The following SUCLG2 variants were observed in gnomAD, a reference collection of about 807,000 sequenced individuals.
The protein encoded by SUCLG2 is succinate--CoA ligase [GDP-forming] subunit beta, mitochondrial.
In SUCLG2, 42 loss-of-function variants were observed where a neutral mutation model predicts 47.9. The observed-to-expected ratio is 0.88, with a 90% CI of 0.69 to 1.14. SUCLG2 has a LOEUF of 1.14. Among genes scored for constraint, SUCLG2 ranks in the 50% most tolerant of loss-of-function variants. SUCLG2 has a pLI of 0.00. For synonymous variants in SUCLG2, 195 were observed against 197.3 expected, an observed-to-expected ratio of 0.99 and a Z score of 0.10; for missense variants, 571 against 525.9, an observed-to-expected ratio of 1.09 and a Z score of -0.84.
intron 1 of SUCLG2, among the ~76,000 whole-genome samples, chr3:67,611,838 G>A (rs1002681886): frequency 1.3e-5 from 2 of 152,104 alleles, no homozygotes; most frequent in Non-Finnish European, 2.9e-5. Flanking sequence ...AACATATATT[G>A]ACTGTTTCCA....
intron 9 of SUCLG2, among the ~76,000 whole-genome samples, chr3:67,406,224 T>C (rs75954896): frequency 0.015 from 2,269 of 152,262 alleles, 57 homozygotes; most frequent in African/African-American, 0.051. Context: ...GTCCCCTTAA[T>C]GAAATAAAAA....
chr3:67,431,606 G>A (rs1049142338), intron 9 of SUCLG2, among the ~76,000 whole-genome samples: 2 of 152,110 alleles, frequency 1.3e-5, no homozygotes, highest in African/African-American at 4.8e-5. Context: ...GATGAAGCTG[G>A]AAACCATCAT....
intron 9 of SUCLG2, among the ~76,000 whole-genome samples, chr3:67,413,872 C>T (rs1304919688): frequency 2.0e-5 from 3 of 152,178 alleles, no homozygotes; most frequent in Admixed American, 6.5e-5. Flanking sequence ...TGTTTGCAGA[C>T]GCCTACCTCA....
At chr3:67,404,518 A>C (rs1226755126) in intron 9 of SUCLG2, among the ~76,000 whole-genome samples, 1 of 152,166 alleles carries the variant, frequency 6.6e-6, no homozygotes, top group East Asian at 1.9e-4. Context: ...GAAGAGCAAC[A>C]GGACATAGAA....
chr3:67,646,420 C>G (rs763937860), intron 1 of SUCLG2, among the ~76,000 whole-genome samples: 40 of 152,116 alleles, frequency 2.6e-4, no homozygotes, highest in Non-Finnish European at 5.6e-4. Flanking sequence ...CATGGTGAAA[C>G]TCCATCTCTA....
chr3:67,558,091 C>T (rs531213085), intron 2 of SUCLG2, among the ~76,000 whole-genome samples: 1 of 152,192 alleles, frequency 6.6e-6, no homozygotes, highest in South Asian at 2.1e-4. Flanking sequence ...CTGTTTATTC[C>T]GGCTTGTCTC....
At chr3:67,389,319 A>G (rs1702327731) in intron 10 of SUCLG2, among the ~76,000 whole-genome samples, 1 of 152,134 alleles carries the variant, frequency 6.6e-6, no homozygotes, top group African/African-American at 2.4e-5. Flanking sequence ...TGAAGCTGCA[A>G]CACTGGAGAG....
intron 8 of SUCLG2, among the ~76,000 whole-genome samples, chr3:67,497,721 G>A (rs1206228847): frequency 1.3e-5 from 2 of 152,184 alleles, no homozygotes; most frequent in Non-Finnish European, 2.9e-5. Context: ...TAACTGAGAT[G>A]TTTTAAGTCA....
chr3:67,654,576 G>T lies in SUCLG2; in HGVS notation c.11C>A (p.Pro4His). The T allele has an allele frequency of 1.6e-6, 2 of 1,275,012 alleles. No individual in the cohort carries two copies. The highest frequency in any genetic ancestry group is 3.7e-5 in the South Asian group (1 of 27,292). The allele number at this position is 1,275,012 out of a possible 1,614,324, so 79.0% of individuals were successfully genotyped here. MAS[P>H]VAAQAGKLLR... ...AAGCTTCCCGGCCTGCGCTGCTACGGGGGACGCCATCTTAAACAGGAAACT... is the reference window on the plus strand; with the variant it reads ...AAGCTTCCCGGCCTGCGCTGCTACGTGGGACGCCATCTTAAACAGGAAACT... The change falls in exon 1 of 11, where the codon CCC (proline) becomes CAC (histidine). Residue 4 changes from proline to histidine, a missense_variant. Transcript: ENST00000307227.
intron 6 of SUCLG2, among the ~76,000 whole-genome samples, chr3:67,510,056 C>A (rs1705746153): frequency 6.6e-6 from 1 of 152,170 alleles, no homozygotes; most frequent in Non-Finnish European, 1.5e-5. Context: ...CTGGAGAAGC[C>A]CACCAGGGCT....
intron 9 of SUCLG2, among the ~76,000 whole-genome samples, chr3:67,423,197 C>G (rs1703213931): frequency 6.6e-6 from 1 of 152,108 alleles, no homozygotes; most frequent in Non-Finnish European, 1.5e-5. Flanking sequence ...CTGAGTGAGT[C>G]TCACGAGATC....
chr3:67,374,116 A>AT (rs1004046478), downstream of SUCLG2, among the ~76,000 whole-genome samples: 12 of 152,010 alleles, frequency 7.9e-5, no homozygotes, highest in African/African-American at 1.9e-4. Context: ...AATATAGGTT[A>AT]TTTTTTTTAC....
intron 9 of SUCLG2, among the ~76,000 whole-genome samples, chr3:67,409,923 T>C (rs1263899296): frequency 6.6e-6 from 1 of 152,202 alleles, no homozygotes; most frequent in Non-Finnish European, 1.5e-5. Context: ...AAGGATCTGT[T>C]TCCTTAAATC....
At chr3:67,360,823 GAAC>G (rs1284112156) in intron 10 of SUCLG2, 2 of 1,365,538 alleles carry the variant, frequency 1.5e-6, no homozygotes, top group Middle Eastern at 2.1e-4. Context: ...ATATTTAGAT[GAAC>G]AACAACAGTA....
Position 67,529,133 on chromosome 3 carries a change from C to A in SUCLG2, c.280G>T (p.Gly94Cys), listed in dbSNP as rs202209817. ...CCTTTCAAACCACTATTGAAGACACCTTTTCCTCTTCCTCCAGCTAAGATC... is the reference window on the plus strand; with the variant it reads ...CCTTTCAAACCACTATTGAAGACACATTTTCCTCTTCCTCCAGCTAAGATC... ...AQILAGGRGK[G>C]VFNSGLKGGV... The change falls in exon 3 of 11, where the codon GGT becomes TGT. Residue 94 changes from glycine (G) to cysteine (C), a missense_variant. Physicochemically the swap from Gly to Cys is radical, Grantham distance 159. Transcript: ENST00000307227. 3.7e-6 allele frequency: 6 copies of A among 1,613,452 alleles called. No homozygotes were observed. The African/African-American group carries it at 6.7e-5, about 18-fold the overall frequency.
chr3:67,461,503 C>G (rs1704332980), intron 9 of SUCLG2, among the ~76,000 whole-genome samples: 1 of 151,592 alleles, frequency 6.6e-6, no homozygotes, highest in Non-Finnish European at 1.5e-5. Flanking sequence ...TATTATGTAT[C>G]AGGTACTGGG....
intron 2 of SUCLG2, among the ~76,000 whole-genome samples, chr3:67,572,746 G>A (rs1220446014): frequency 6.6e-6 from 1 of 151,820 alleles, no homozygotes; most frequent in Non-Finnish European, 1.5e-5. Context: ...ACTCCCCTAA[G>A]ATAGAAGGCA....
intron 2 of SUCLG2, among the ~76,000 whole-genome samples, chr3:67,531,654 A>G (rs1441289527): frequency 6.6e-6 from 1 of 152,212 alleles, no homozygotes; most frequent in East Asian, 1.9e-4. Flanking sequence ...CACATCTGCA[A>G]CATACACCCC....
chr3:67,568,125 G>A (rs1190164855), intron 2 of SUCLG2, among the ~76,000 whole-genome samples: 1 of 152,226 alleles, frequency 6.6e-6, no homozygotes, highest in Non-Finnish European at 1.5e-5. Flanking sequence ...TAGAGTCACT[G>A]AACTGGTTAC....
Sources: allele counts gnomAD v4.1 joint callset (sites outside exome capture counted in the v4.1 genomes callset), GRCh38; gene constraint gnomAD v4.1.1; transcripts MANE v1.5; gene names NCBI Gene and HGNC (gene_info 2026-07-23, HGNC 2026-07-21).